Variants in LRRC49 observed in about 807,000 individuals in gnomAD.
The protein encoded by LRRC49 is leucine rich repeat containing 49.
In LRRC49, 50 loss-of-function variants were observed where a neutral mutation model predicts 83.3. The ratio of observed to expected loss-of-function variants is 0.60; its 90% CI spans 0.48 to 0.76. The LOEUF (loss-of-function observed/expected upper bound fraction) is 0.76. Ranked by LOEUF, LRRC49 falls within the 30% of genes least tolerant of loss-of-function variation. LRRC49 has a pLI of 0.00. For synonymous variants in LRRC49, 286 were observed against 283.3 expected, an observed-to-expected ratio of 1.01 and a Z score of -0.10; for missense variants, 704 against 809.1, an observed-to-expected ratio of 0.87 and a Z score of 1.58.
rs2033143657 is a variant in LRRC49, at chr15:70,875,938, A to G, written c.18+2715A>G. Among the ~76,000 whole-genome samples the G allele has an allele frequency of 2.6e-5, 4 of 152,294 alleles. No homozygotes were observed. The South Asian group carries it at 8.3e-4, about 32-fold the overall frequency. ...AAGATGCAAGGAGCAAGTGCTAGAC[A>G]GTTTCTTTCTTTTTTCTTTTTTTTT... On this transcript the variant is annotated intron_variant, in intron 2 of 16. Transcript: ENST00000544974.
intron 7 of LRRC49, among the ~76,000 whole-genome samples, chr15:70,921,373 T>C (rs772093686): frequency 1.3e-5 from 2 of 152,200 alleles, no homozygotes; most frequent in Non-Finnish European, 2.9e-5. Flanking sequence ...AAATACTCTA[T>C]TTTGTTTGGA....
At chr15:71,007,443 G>A (rs1385890101) in intron 11 of LRRC49, among the ~76,000 whole-genome samples, 7 of 151,764 alleles carry the variant, frequency 4.6e-5, no homozygotes, top group African/African-American at 7.2e-5. Flanking sequence ...AAATAAGAGC[G>A]AGACACTAAT....
At chr15:70,980,213 G>A (rs1596093071) in intron 10 of LRRC49, 29 bp downstream of exon 10, 1 of 1,498,504 alleles carries the variant, frequency 6.7e-7, no homozygotes. Flanking sequence ...ACATGGATGT[G>A]TGTGCACACG....
At chr15:70,938,974 C>T (rs1374422741) in intron 8 of LRRC49, among the ~76,000 whole-genome samples, 1 of 152,098 alleles carries the variant, frequency 6.6e-6, no homozygotes, top group Non-Finnish European at 1.5e-5. Flanking sequence ...TAAAAGCATA[C>T]ACTGTTGCAT....
intron 14 of LRRC49, among the ~76,000 whole-genome samples, chr15:71,027,793 G>A (rs113507123): frequency 1.5e-4 from 23 of 152,292 alleles, no homozygotes; most frequent in African/African-American, 5.3e-4. Flanking sequence ...CATTGATTTT[G>A]TATCCTGAGA....
chr15:70,945,304 C>A (rs953738454), intron 8 of LRRC49, among the ~76,000 whole-genome samples: 1 of 152,208 alleles, frequency 6.6e-6, no homozygotes. Context: ...CAGCCCTGAG[C>A]TAGTCAACAT....
At chr15:70,894,598 A>G (rs1483209577) in intron 2 of LRRC49, 3 of 1,284,866 alleles carry the variant, frequency 2.3e-6, no homozygotes, top group Non-Finnish European at 3.0e-6. Context: ...CTTTCTACAC[A>G]CTATGTCTCA....
In LRRC49 at chr15:70,936,840, A is replaced by G. The variant is rs2035617015; in HGVS notation, c.773+18A>G. On this transcript the variant is annotated intron_variant, in intron 8 of 15. Transcript: ENST00000260382. ...ATATCTAGGTAAGTGGAAACTCCCA[A>G]GTTGTCATTCATTATAACTTGATTG... 2 of 1,549,272 alleles carry G rather than the reference A, an allele frequency of 1.3e-6. No homozygotes were observed. Among genetic ancestry groups the G allele is most frequent in the Non-Finnish European group, 8.9e-7 (1 of 1,121,936 alleles).
chr15:70,856,333 A>G (rs886594083), intron 1 of LRRC49, among the ~76,000 whole-genome samples: 1 of 152,174 alleles, frequency 6.6e-6, no homozygotes, highest in African/African-American at 2.4e-5. Context: ...CTGACTCCTC[A>G]TAAAGGAATT....
chr15:70,875,336 C>T (rs1402912609), intron 2 of LRRC49, among the ~76,000 whole-genome samples: 5 of 152,206 alleles, frequency 3.3e-5, no homozygotes, highest in Middle Eastern at 3.4e-3. Context: ...AGGCAGGGCT[C>T]GGAATCAAGA....
At chr15:70,989,136 A>C (rs1330495426) in intron 11 of LRRC49, among the ~76,000 whole-genome samples, 1 of 151,926 alleles carries the variant, frequency 6.6e-6, no homozygotes, top group African/African-American at 2.4e-5. Flanking sequence ...CTTCTCGAGG[A>C]GTATCTTTGT....
At chr15:70,993,531 A>G (rs1261245688) in intron 11 of LRRC49, among the ~76,000 whole-genome samples, 1 of 152,206 alleles carries the variant, frequency 6.6e-6, no homozygotes, top group Non-Finnish European at 1.5e-5. Flanking sequence ...TGCCTGGCCT[A>G]GTGTCAAGAA....
intron 2 of LRRC49, among the ~76,000 whole-genome samples, chr15:70,875,253 G>T (rs2033128275): frequency 1.3e-5 from 2 of 152,128 alleles, no homozygotes; most frequent in South Asian, 4.1e-4. Context: ...TCTGTGAAAT[G>T]AACTTAGAAA....
chr15:70,917,064 C>T (rs75872384), intron 6 of LRRC49, among the ~76,000 whole-genome samples: 4,432 of 152,296 alleles, frequency 0.029, 218 homozygotes, highest in African/African-American at 0.1. Flanking sequence ...CAAGTGTGCA[C>T]ATGCTTGGGG....
intron 11 of LRRC49, among the ~76,000 whole-genome samples, chr15:70,990,805 T>C (rs1010415047): frequency 1.3e-5 from 2 of 152,322 alleles, no homozygotes; most frequent in South Asian, 2.1e-4. Context: ...CTTATAGGGA[T>C]AGTGTTTTTC....
At chr15:70,853,724 G>A (rs946732752) in intron 1 of LRRC49, among the ~76,000 whole-genome samples, 2 of 152,164 alleles carry the variant, frequency 1.3e-5, no homozygotes, top group African/African-American at 4.8e-5. Flanking sequence ...CTGCCTCCAC[G>A]GGCCGGTTCT....
chr15:70,884,919 G>T (rs965489972), intron 2 of LRRC49, among the ~76,000 whole-genome samples: 1 of 151,982 alleles, frequency 6.6e-6, no homozygotes, highest in African/African-American at 2.4e-5. Context: ...GTCTTTTTAT[G>T]TGTATTTTTA....
chr15:70,916,001 G>A (rs2034757713), intron 6 of LRRC49, among the ~76,000 whole-genome samples: 1 of 152,142 alleles, frequency 6.6e-6, no homozygotes, highest in Non-Finnish European at 1.5e-5. Flanking sequence ...CATCTGCTTT[G>A]AAGTGTTAGT....
At chr15:70,942,552 T>C (rs1273055583) in intron 8 of LRRC49, among the ~76,000 whole-genome samples, 3 of 152,194 alleles carry the variant, frequency 2.0e-5, no homozygotes, top group African/African-American at 2.4e-5. Context: ...ACTTATATTA[T>C]AGAAATACTT....
Sources: allele counts gnomAD v4.1 joint callset (sites outside exome capture counted in the v4.1 genomes callset), GRCh38; gene constraint gnomAD v4.1.1; transcripts MANE v1.5; gene names NCBI Gene and HGNC (gene_info 2026-07-23, HGNC 2026-07-21).